Variants in N4BP2 observed in about 807,000 individuals in gnomAD.
N4BP2 encodes the protein NEDD4-binding protein 2.
A neutral mutation model predicts 152.8 loss-of-function variants in N4BP2; 91 were observed. The ratio of observed to expected loss-of-function variants is 0.60; its 90% CI spans 0.50 to 0.71. The LOEUF is 0.71. Ranked by LOEUF, N4BP2 falls within the 30% of genes least tolerant of loss-of-function variation. The pLI is 0.00. For missense variants in N4BP2, 1,923 were observed against 2,059.1 expected (o/e 0.93, Z 1.28); for synonymous variants, 646 against 705.3 (o/e 0.92, Z 1.33).
At chr4:40,125,628 G>A (rs1718317865) in intron 11 of N4BP2, among the ~76,000 whole-genome samples, 1 of 152,232 alleles carries the variant, frequency 6.6e-6, no homozygotes, top group African/African-American at 2.4e-5. Context: ...GCTCACGCCT[G>A]TAATCCCAGC....
the N4BP2 span, among the ~76,000 whole-genome samples, chr4:40,178,394 G>T: frequency 8.7e-5 from 13 of 149,874 alleles, no homozygotes; most frequent in Middle Eastern, 6.8e-3. Context: ...GAAAACCTCC[G>T]GCAAGACTAC....
At chr4:40,090,176 T>C (rs1381738562) in intron 2 of N4BP2, among the ~76,000 whole-genome samples, 1 of 152,212 alleles carries the variant, frequency 6.6e-6, no homozygotes, top group Non-Finnish European at 1.5e-5. Context: ...TACATAGTTT[T>C]GATTAGTGTA....
At chr4:40,179,160 A>G in the N4BP2 span, among the ~76,000 whole-genome samples, 13 of 152,234 alleles carry the variant, frequency 8.5e-5, no homozygotes, top group Non-Finnish European at 1.8e-4. Flanking sequence ...CAAGGTCAGG[A>G]GATCGAGACC....
At chr4:40,178,302 G>A in the N4BP2 span, among the ~76,000 whole-genome samples, 1 of 151,966 alleles carries the variant, frequency 6.6e-6, no homozygotes, top group African/African-American at 2.4e-5. Context: ...AATCAGAAAT[G>A]AATAAATTGG....
chr4:40,136,873 T>G lies in N4BP2; in HGVS notation c.4647-71T>G, dbSNP rs181359103. On this transcript the variant is annotated intron_variant, in intron 13 of 17. Coordinates refer to ENST00000261435, the MANE Select transcript of N4BP2 (RefSeq NM_018177.6). ...ATATTCTTGTAAGATGTTTGAAGATTGCTTGTGTTAATGTCCCACACAACT... is the reference window on the plus strand; with the variant it reads ...ATATTCTTGTAAGATGTTTGAAGATGGCTTGTGTTAATGTCCCACACAACT... 1.1e-4 allele frequency: 124 copies of G among 1,139,828 alleles called. No homozygotes were observed. The African/African-American group carries it at 1.6e-3, about 15-fold the overall frequency. 70.6% of individuals were successfully genotyped at this position (1,139,828 alleles called of 1,614,324 possible).
At chr4:40,188,547 C>A in the N4BP2 span, among the ~76,000 whole-genome samples, 3 of 151,936 alleles carry the variant, frequency 2.0e-5, no homozygotes, top group Non-Finnish European at 4.4e-5. Context: ...GATTTTCCGA[C>A]CAGCCTGGGC....
intron 2 of N4BP2, among the ~76,000 whole-genome samples, chr4:40,078,728 A>G (rs992633304): frequency 2.0e-5 from 3 of 151,004 alleles, no homozygotes; most frequent in African/African-American, 7.3e-5. Flanking sequence ...AGGTTTTATA[A>G]TGTTTCCCTG....
rs375265000 is a variant in N4BP2, at chr4:40,121,657, G to A, written c.3546G>A (p.Gly1182=). The A allele has an allele frequency of 3.1e-5, 50 of 1,614,026 alleles. No individual in the cohort carries two copies. The highest frequency in any genetic ancestry group is 3.9e-5 in the Non-Finnish European group (46 of 1,180,040). The change falls in exon 9 of 18, where the codon GGG becomes GGA. Residue 1182 remains glycine, a synonymous_variant. Coordinates refer to ENST00000261435, the MANE Select transcript of N4BP2 (RefSeq NM_018177.6). ...SNSPVPEFSH[G]IGISNADSQS... ...CTCCTGTGCCAGAGTTTAGCCATGGGATTGGTATTAGTAACGCTGACTCAC... is the reference window on the plus strand; with the variant it reads ...CTCCTGTGCCAGAGTTTAGCCATGGAATTGGTATTAGTAACGCTGACTCAC...
At chr4:40,162,759 A>G (rs969964128), downstream of N4BP2, among the ~76,000 whole-genome samples, 3 of 152,140 alleles carry the variant, frequency 2.0e-5, no homozygotes, top group Admixed American at 2.0e-4. Flanking sequence ...TAGATAGGGG[A>G]TTTATCAGGA....
At chr4:40,092,045 T>TATATAG (rs1201054983) in intron 2 of N4BP2, among the ~76,000 whole-genome samples, 4 of 102,668 alleles carry the variant, frequency 3.9e-5, no homozygotes, top group African/African-American at 1.5e-4. Context: ...TATATATATA[T>TATATAG]AGCTGAATTT....
intron 14 of N4BP2, chr4:40,142,299 C>A: frequency 3.1e-6 from 1 of 327,080 alleles, no homozygotes; most frequent in South Asian, 3.2e-5. Flanking sequence ...TGGCCCTCCT[C>A]TCTCTGGCGG....
At chr4:40,176,089 CAA>C in the N4BP2 span, among the ~76,000 whole-genome samples, 647 of 83,492 alleles carry the variant, frequency 7.7e-3, 5 homozygotes, top group African/African-American at 0.022. Flanking sequence ...GACTCCGTCT[CAA>C]AAAAAAAAAA....
At chr4:40,130,688 A>C (rs577622596) in intron 12 of N4BP2, among the ~76,000 whole-genome samples, 4 of 152,144 alleles carry the variant, frequency 2.6e-5, no homozygotes, top group African/African-American at 7.2e-5. Flanking sequence ...TTTTATGTAG[A>C]GATAGGGTCT....
At chr4:40,070,343 G>C (rs754432787) in intron 1 of N4BP2, among the ~76,000 whole-genome samples, 1 of 152,060 alleles carries the variant, frequency 6.6e-6, no homozygotes, top group Non-Finnish European at 1.5e-5. Flanking sequence ...ATAAGAAGAC[G>C]TATATCTTCA....
intron 1 of N4BP2, among the ~76,000 whole-genome samples, chr4:40,069,868 T>C (rs900528441): frequency 4.6e-5 from 7 of 152,166 alleles, no homozygotes; most frequent in African/African-American, 1.2e-4. Flanking sequence ...AGCTGTAGTG[T>C]TGTACCACTG....
At chr4:40,110,164 G>A (rs1196919889) in intron 5 of N4BP2, among the ~76,000 whole-genome samples, 2 of 152,110 alleles carry the variant, frequency 1.3e-5, no homozygotes, top group Non-Finnish European at 2.9e-5. Flanking sequence ...TCCTTTATAT[G>A]GATGAGTAAG....
At chr4:40,060,728 G>A (rs536176011) in intron 1 of N4BP2, among the ~76,000 whole-genome samples, 1 of 151,418 alleles carries the variant, frequency 6.6e-6, no homozygotes, top group Admixed American at 6.6e-5. Context: ...ACAGCCTCCC[G>A]AGTAGCTGGG....
intron 11 of N4BP2, among the ~76,000 whole-genome samples, chr4:40,125,909 A>C (rs1447829852): frequency 6.7e-6 from 1 of 149,646 alleles, no homozygotes; most frequent in Non-Finnish European, 1.5e-5. Context: ...AAAAAAAATT[A>C]TACACAGATC....
intron 2 of N4BP2, among the ~76,000 whole-genome samples, chr4:40,081,480 T>C (rs1161217256): frequency 6.6e-6 from 1 of 151,954 alleles, no homozygotes; most frequent in Non-Finnish European, 1.5e-5. Flanking sequence ...ACCCTGTCTC[T>C]ACTAAATATA....
Sources: gnomAD v4.1 joint callset for allele counts (sites outside exome capture counted in the v4.1 genomes callset) on GRCh38, gnomAD v4.1.1 for gene constraint, MANE v1.5 for transcripts, NCBI Gene and HGNC (gene_info 2026-07-23, HGNC 2026-07-21) for gene names.